MOK: variants seen among roughly 807,000 people sequenced by gnomAD.
The protein encoded by MOK is MAPK/MAK/MRK overlapping kinase.
In MOK, 59 loss-of-function variants were observed where a neutral mutation model predicts 54.2. The observed-to-expected ratio is 1.09, with a 90% CI of 0.88 to 1.35. The LOEUF (loss-of-function observed/expected upper bound fraction) is 1.35. MOK is among the 40% of genes most tolerant of loss of function. The probability of loss-of-function intolerance (pLI) is 0.00; values close to 1 mark genes in which losing one functional copy is unlikely to be tolerated. For missense variants in MOK, 517 were observed against 526.2 expected, an observed-to-expected ratio of 0.98 and a Z score of 0.17; for synonymous variants, 210 against 202.7, an observed-to-expected ratio of 1.04 and a Z score of -0.31.
chr14:102,229,213 TCAG>T lies in MOK; in HGVS notation c.*73_*75del. ...CGCATCCCCAGCCCTCCGTGGCGTC[TCAG>T]CAGCAGATCACCCAGGCCTGGCCCG... On this transcript the variant is annotated 3_prime_UTR_variant, in exon 12 of 12. Transcript: ENST00000361847. 7.0e-7 allele frequency: 1 copy of T among 1,437,928 alleles called. No homozygotes were observed. Among genetic ancestry groups the T allele is most frequent in the Non-Finnish European group, 9.4e-7 (1 of 1,059,950 alleles). 89.1% of individuals were successfully genotyped at this position (1,437,928 alleles called of 1,614,324 possible).
Position 102,233,792 on chromosome 14 carries a change from G to A in MOK, c.591-3C>T, listed in dbSNP as rs766813773. The stretch of plus-strand genomic sequence containing the variant: ...CTCCAGGAAAGAGGGGCTGCAGACT[G>A]GAAGGGCAGAAGGGGCACTGTGGTC... On this transcript the variant is annotated splice_region_variant and splice_polypyrimidine_tract_variant and intron_variant, in intron 7 of 11. Coordinates refer to ENST00000361847, the MANE Select transcript of MOK (RefSeq NM_014226.3). 5.0e-6 allele frequency: 8 copies of A among 1,609,992 alleles called. No individual in the cohort carries two copies. The highest frequency in any genetic ancestry group is 6.8e-6 in the Non-Finnish European group (8 of 1,176,400).
chr14:102,249,812 C>G lies in MOK; in HGVS notation c.590+1000G>C, dbSNP rs991388161. The stretch of plus-strand genomic sequence containing the variant: ...ACAGCTCTGGTAGTAGGCCTAGCTT[C>G]TATTCCAGAAAATGGCAGGCTCTTG... On this transcript the variant is annotated intron_variant, in intron 7 of 11. Coordinates refer to ENST00000361847, the MANE Select transcript of MOK (RefSeq NM_014226.3). This position sits in a 1 kb window ranked among gnomAD's most constrained non-coding sequence, Gnocchi z 5.3. Among the ~76,000 whole-genome samples the G allele has an allele frequency of 5.3e-5, 8 of 152,216 alleles. No individual in the cohort carries two copies. Among genetic ancestry groups the G allele is most frequent in the Admixed American group, 2.0e-4 (3 of 15,288 alleles).
chr14:102,298,034 T>G (rs1167614618), intron 1 of MOK, among the ~76,000 whole-genome samples: 2 of 152,184 alleles, frequency 1.3e-5, no homozygotes. Flanking sequence ...TGCTCCAGGG[T>G]GCCCAGTCCC....
At chr14:102,218,516 G>T in the MOK span, among the ~76,000 whole-genome samples, 68 of 152,326 alleles carry the variant, frequency 4.5e-4, 1 homozygote, top group African/African-American at 1.6e-3. Context: ...CAGGAACATG[G>T]CCTTGCTGCT....
downstream of MOK, among the ~76,000 whole-genome samples, chr14:102,221,502 A>C (rs1229302495): frequency 6.6e-6 from 1 of 152,172 alleles, no homozygotes; most frequent in South Asian, 2.1e-4. The surrounding 1 kb of genome is among the most constrained non-coding windows in gnomAD (Gnocchi z 4.8). Flanking sequence ...AGCCAGAAGT[A>C]TGGGGCGTTT....
At chr14:102,277,934 C>A (rs2069035434) in intron 2 of MOK, among the ~76,000 whole-genome samples, 1 of 152,078 alleles carries the variant, frequency 6.6e-6, no homozygotes, top group Admixed American at 6.6e-5. Context: ...ACGTTGAAAC[C>A]CTAAACCCCC....
chr14:102,221,282 G>GTTGCCGGGGGAT (rs1282785771), downstream of MOK, among the ~76,000 whole-genome samples: 3 of 152,230 alleles, frequency 2.0e-5, no homozygotes, highest in East Asian at 5.8e-4. This position sits in a 1 kb window ranked among gnomAD's most constrained non-coding sequence, Gnocchi z 4.8. Context: ...TGACTTTTCT[G>GTTGCCGGGGGAT]TTGCCGGGGG....
At chr14:102,226,941 C>T (rs1192118218), downstream of MOK, among the ~76,000 whole-genome samples, 3 of 152,134 alleles carry the variant, frequency 2.0e-5, no homozygotes, top group Admixed American at 1.3e-4. The surrounding 1 kb of genome is among the most constrained non-coding windows in gnomAD (Gnocchi z 4.8). Flanking sequence ...TGCTTCAGAG[C>T]GTTTACGCCC....
chr14:102,286,277 C>T (rs367919991), intron 1 of MOK, among the ~76,000 whole-genome samples: 43 of 120,076 alleles, frequency 3.6e-4, no homozygotes, highest in African/African-American at 1.4e-3. Flanking sequence ...CCAGCCTGGG[C>T]GACAGAGCGA....
rs2066566453 is a variant in MOK at position 102,251,980 on chromosome 14, A to G, written c.299T>C (p.Leu100Ser). 2.5e-6 allele frequency: 4 copies of G among 1,592,132 alleles called. No individual in the cohort carries two copies. The highest frequency in any genetic ancestry group is 3.4e-6 in the Non-Finnish European group (4 of 1,160,978). The stretch of plus-strand genomic sequence containing the variant: ...ATAGTGCATAATTTTTTTTTCTGAT[A>G]ATGGGTATCTTCTCCCTGTACAATC... Reference protein sequence around the residue: ...YELIRGRRYPLSEKKIMHYMY... With the variant: ...YELIRGRRYPSSEKKIMHYMY... The change falls in exon 5 of 12, where the codon TTA (leucine) becomes TCA (serine). Residue 100 changes from leucine (L) to serine (S), a missense_variant. Leu to Ser is a moderately radical substitution (Grantham distance 145, BLOSUM62 -2). Transcript: ENST00000361847.
rs1416409294 is a variant in MOK at position 102,304,900 on chromosome 14, C to T, written c.7+62G>A. On this transcript the variant is annotated intron_variant, in intron 1 of 11. Coordinates refer to ENST00000361847, the MANE Select transcript of MOK (RefSeq NM_014226.3). ...GCCCCTCAAGCTCCTCAAGCTCCCC[C>T]AGTCCCTCCCTCCCCCGCCACTCGC... 7.2e-6 allele frequency: 11 copies of T among 1,532,514 alleles called. No homozygotes were observed. The East Asian group carries it at 1.6e-4, about 23-fold the overall frequency. 94.9% of individuals were successfully genotyped at this position (1,532,514 alleles called of 1,614,324 possible).
chr14:102,235,407 G>A lies in MOK; in HGVS notation c.591-1618C>T, dbSNP rs1217659897. 2 of 152,214 alleles carry A rather than the reference G, an allele frequency of 1.3e-5. No individual in the cohort carries two copies. Among genetic ancestry groups the A allele is most frequent in the South Asian group, 2.1e-4 (1 of 4,834 alleles). The allele number at this position is 152,214 out of a possible 1,614,324, so 9.4% of individuals were successfully genotyped here. A position where few individuals can be genotyped will look rare whatever the true frequency, so the allele number is the denominator to read the frequency against. On this transcript the variant is annotated intron_variant, in intron 7 of 11. Coordinates refer to ENST00000361847, the MANE Select transcript of MOK (RefSeq NM_014226.3). The surrounding 1 kb of genome is among the most constrained non-coding windows in gnomAD (Gnocchi z 4.4). ...TTATTTTGTCTTCTACCCTCCTTCC[G>A]GAAGAAAAGGAAAGAGTGTGGCTTG...
chr14:102,247,862 G>A (rs1232634375), intron 7 of MOK, among the ~76,000 whole-genome samples: 3 of 152,170 alleles, frequency 2.0e-5, no homozygotes, highest in Admixed American at 2.0e-4. Flanking sequence ...TGGCCCTCCT[G>A]GTCCTTTAGT....
At chr14:102,226,919 C>G (rs1270482870), downstream of MOK, among the ~76,000 whole-genome samples, 10 of 152,152 alleles carry the variant, frequency 6.6e-5, no homozygotes, top group Admixed American at 5.9e-4. The surrounding 1 kb of genome is among the most constrained non-coding windows in gnomAD (Gnocchi z 4.8). Context: ...CCTGGCGTGC[C>G]GGGCTCGACA....
At chr14:102,253,991 CT>C (rs113168880) in intron 4 of MOK, among the ~76,000 whole-genome samples, 2,231 of 145,634 alleles carry the variant, frequency 0.015, 54 homozygotes, top group African/African-American at 0.052. Flanking sequence ...TTAGCTTTTT[CT>C]TTTTTTTTTT....
In MOK at chr14:102,232,931, A is replaced by C. The variant is rs1436438757; in HGVS notation, c.693-223T>G. ...CCACGGTTCATCGACCATAATAAACACACCACTCGAGGCAGGTGCTGACGA... is the reference window on the plus strand; with the variant it reads ...CCACGGTTCATCGACCATAATAAACCCACCACTCGAGGCAGGTGCTGACGA... On this transcript the variant is annotated intron_variant, in intron 8 of 11. Coordinates refer to ENST00000361847, the MANE Select transcript of MOK (RefSeq NM_014226.3). This position sits in a 1 kb window ranked among gnomAD's most constrained non-coding sequence, Gnocchi z 5.1. 8.0e-6 allele frequency: 3 copies of C among 374,340 alleles called. No individual in the cohort carries two copies. The highest frequency in any genetic ancestry group is 6.2e-5 in the African/African-American group (3 of 48,130). 23.2% of individuals were successfully genotyped at this position (374,340 alleles called of 1,614,324 possible).
At chr14:102,234,212 G>C in intron 7 of MOK, 1 of 176,340 alleles carries the variant, frequency 5.7e-6, no homozygotes, top group Admixed American at 5.6e-5. Flanking sequence ...CTCTGGCCAG[G>C]ACTCGCTCAC....
chr14:102,229,201 C>T lies in MOK; in HGVS notation c.*88G>A, dbSNP rs745925608. On this transcript the variant is annotated 3_prime_UTR_variant, in exon 12 of 12. Transcript: ENST00000361847. ...AACGGACGCAGGCGCATCCCCAGCCCTCCGTGGCGTCTCAGCAGCAGATCA... is the reference window on the plus strand; with the variant it reads ...AACGGACGCAGGCGCATCCCCAGCCTTCCGTGGCGTCTCAGCAGCAGATCA... The T allele has an allele frequency of 6.5e-6, 9 of 1,379,148 alleles. No individual in the cohort carries two copies. The highest frequency in any genetic ancestry group is 6.9e-6 in the Non-Finnish European group (7 of 1,011,526). 85.4% of individuals were successfully genotyped at this position (1,379,148 alleles called of 1,614,324 possible).
chr14:102,284,596 G>A (rs1295218065), intron 1 of MOK, among the ~76,000 whole-genome samples: 3 of 152,156 alleles, frequency 2.0e-5, no homozygotes, highest in Non-Finnish European at 4.4e-5. Flanking sequence ...CAAATAATAG[G>A]AGAGTAAGAC....
Sources: gnomAD v4.1 joint callset for allele counts (sites outside exome capture counted in the v4.1 genomes callset) on GRCh38, gnomAD v4.1.1 for gene constraint, Gnocchi (gnomAD v3.1) non-coding constraint, MANE v1.5 for transcripts, NCBI Gene and HGNC (gene_info 2026-07-23, HGNC 2026-07-21) for gene names.